Variants in PDZRN3 observed in about 807,000 individuals in gnomAD.
PDZRN3 encodes PDZ domain containing ring finger 3, also known as E3 ubiquitin-protein ligase PDZRN3.
A neutral mutation model predicts 85.7 loss-of-function variants in PDZRN3; 38 were observed. The ratio of observed to expected loss-of-function variants is 0.44; its 90% CI spans 0.34 to 0.58. The LOEUF (loss-of-function observed/expected upper bound fraction) is 0.58. Ranked by LOEUF, PDZRN3 falls within the 20% of genes least tolerant of loss-of-function variation. The pLI, the probability that PDZRN3 is intolerant of heterozygous loss-of-function variation, is 0.01. For missense variants in PDZRN3, 1,629 were observed against 1,506.4 expected (o/e 1.08, Z -1.35); for synonymous variants, 759 against 638.0 (o/e 1.19, Z -2.86).
chr3:73,400,902 G>C lies in PDZRN3; in HGVS notation c.1254+20C>G, dbSNP rs565722346. 6.5e-7 allele frequency: 1 copy of C among 1,540,336 alleles called. No homozygotes were observed. The highest frequency in any genetic ancestry group is 1.4e-5 in the African/African-American group (1 of 73,576). On this transcript the variant is annotated intron_variant, in intron 5 of 9. Transcript: ENST00000263666. ...TTCTTAATAATGACTCCTAAAATGA[G>C]ACAAGGATGTTCTTCATACCTCCAG...
At chr3:73,520,408 G>C (rs145761516) in intron 3 of PDZRN3, among the ~76,000 whole-genome samples, 2 of 152,238 alleles carry the variant, frequency 1.3e-5, no homozygotes, top group Non-Finnish European at 2.9e-5. Flanking sequence ...GGAGGCTGAG[G>C]CAGGAGGAAC....
chr3:73,454,318 G>A (rs1702935285), intron 3 of PDZRN3, among the ~76,000 whole-genome samples: 1 of 152,106 alleles, frequency 6.6e-6, no homozygotes, highest in African/African-American at 2.4e-5. Context: ...GGGAGAGGAA[G>A]GGGCCTAGCA....
intron 1 of PDZRN3, among the ~76,000 whole-genome samples, chr3:73,618,188 T>C (rs749138881): frequency 6.6e-6 from 1 of 152,226 alleles, no homozygotes; most frequent in Non-Finnish European, 1.5e-5. Flanking sequence ...CTTCTGTTTT[T>C]TCATCTGTAA....
intron 3 of PDZRN3, among the ~76,000 whole-genome samples, chr3:73,526,679 G>C (rs567141989): frequency 1.1e-4 from 16 of 152,016 alleles, no homozygotes; most frequent in Non-Finnish European, 8.8e-5. Context: ...AGTTGTTGTT[G>C]TTGTTGCTGT....
At chr3:73,525,720 C>A (rs914811006) in intron 3 of PDZRN3, among the ~76,000 whole-genome samples, 5 of 152,186 alleles carry the variant, frequency 3.3e-5, no homozygotes, top group African/African-American at 1.2e-4. Flanking sequence ...TGGTGGTCCC[C>A]CTGCCAAGGC....
At position 73,384,625 on chromosome 3, in the gene PDZRN3, G is replaced by T. The variant is rs558539857; in HGVS notation, c.1941C>A (p.Arg647=). 2.5e-6 allele frequency: 4 copies of T among 1,613,706 alleles called. No homozygotes were observed. The highest frequency in any genetic ancestry group is 3.4e-6 in the Non-Finnish European group (4 of 1,180,030). ...CCTGGCACTTGAGCTCCAGGAGCTC[G>T]CGGAAGCGCTCGCACTCGTCCACCG... ...GIPVDECERF[R]ELLELKCQVK... The change falls in exon 10 of 10, where the codon CGC becomes CGA. Residue 647 remains arginine, a synonymous_variant. Coordinates refer to ENST00000263666, the MANE Select transcript of PDZRN3 (RefSeq NM_015009.3).
At chr3:73,457,672 C>T (rs998034005) in intron 3 of PDZRN3, among the ~76,000 whole-genome samples, 2 of 152,024 alleles carry the variant, frequency 1.3e-5, no homozygotes, top group Admixed American at 6.6e-5. Context: ...CTCCAAAATT[C>T]GTATTTTGAA....
At chr3:73,458,340 G>T (rs1467146353) in intron 3 of PDZRN3, among the ~76,000 whole-genome samples, 1 of 151,822 alleles carries the variant, frequency 6.6e-6, no homozygotes. Flanking sequence ...CTCTTTCAGA[G>T]ACTGGCCACC....
At chr3:73,439,014 C>A (rs1229658045) in intron 3 of PDZRN3, among the ~76,000 whole-genome samples, 1 of 152,190 alleles carries the variant, frequency 6.6e-6, no homozygotes, top group African/African-American at 2.4e-5. Context: ...TAAGTCTCAC[C>A]TCCTCTGTCC....
At chr3:73,462,775 T>C (rs1055112166) in intron 3 of PDZRN3, among the ~76,000 whole-genome samples, 1 of 152,158 alleles carries the variant, frequency 6.6e-6, no homozygotes, top group Non-Finnish European at 1.5e-5. Context: ...CACCACCAGA[T>C]ACAGGGACCA....
chr3:73,468,884 C>T (rs1233416771), intron 3 of PDZRN3, among the ~76,000 whole-genome samples: 1 of 152,126 alleles, frequency 6.6e-6, no homozygotes, highest in Non-Finnish European at 1.5e-5. Context: ...GAAATGGGAT[C>T]ATTAGTACCT....
Position 73,446,053 on chromosome 3 carries a change from A to T in PDZRN3, c.919-41658T>A, listed in dbSNP as rs146587947. Reference sequence around the variant, plus strand: ...GTGATTCGTCCCTGGGGGTAAGCACAAGTGTGCTGGGTGATATCAACTAGA... The same window carrying T: ...GTGATTCGTCCCTGGGGGTAAGCACTAGTGTGCTGGGTGATATCAACTAGA... On this transcript the variant is annotated intron_variant, in intron 3 of 9. Transcript: ENST00000263666. Among the ~76,000 whole-genome samples the T allele has an allele frequency of 9.3e-4, 142 of 152,344 alleles. 3 individuals are homozygous for T. In the East Asian group the frequency reaches 0.022, roughly 24 times the overall value.
intron 7 of PDZRN3, 145 bp from the exon 8 acceptor site, chr3:73,388,214 T>C (rs769265830): frequency 2.8e-5 from 15 of 542,754 alleles, no homozygotes; most frequent in Non-Finnish European, 3.9e-5. Flanking sequence ...TGGAAAAGAA[T>C]ACTGATGTTA....
chr3:73,559,135 T>C (rs545669600), intron 3 of PDZRN3, among the ~76,000 whole-genome samples: 2 of 152,308 alleles, frequency 1.3e-5, no homozygotes, highest in South Asian at 4.1e-4. Flanking sequence ...TGGCGGGGGT[T>C]GTCACAACCT....
chr3:73,607,271 C>T (rs538231491), intron 2 of PDZRN3, among the ~76,000 whole-genome samples: 16 of 152,274 alleles, frequency 1.1e-4, no homozygotes, highest in East Asian at 5.8e-4. Flanking sequence ...CCCTTTTGTA[C>T]GTAACTTTTT....
chr3:73,389,097 G>T (rs563702053), intron 7 of PDZRN3, among the ~76,000 whole-genome samples: 12 of 152,052 alleles, frequency 7.9e-5, no homozygotes, highest in Non-Finnish European at 1.8e-4. Flanking sequence ...AAATCAAAAT[G>T]ACCTGTGGTG....
chr3:73,579,600 T>C (rs1454282367), intron 3 of PDZRN3, among the ~76,000 whole-genome samples: 1 of 152,224 alleles, frequency 6.6e-6, no homozygotes, highest in Non-Finnish European at 1.5e-5. Flanking sequence ...TATTGAGAAT[T>C]AGCCCACATT....
chr3:73,384,566 G>C lies in PDZRN3; in HGVS notation c.2000C>G (p.Pro667Arg), dbSNP rs763224388. The C allele has an allele frequency of 6.2e-7, 1 of 1,613,684 alleles. No homozygotes were observed. The highest frequency in any genetic ancestry group is 8.5e-7 in the Non-Finnish European group (1 of 1,180,030). The part of the protein sequence containing the change: ...KSATPYGLYY[P>R]SGPLDAGKSD... ...CTTGCCGGCGTCCAGGGGGCCGCTA[G>C]GGTAGTACAGGCCGTAAGGGGTGGC... Residue 667 changes from proline to arginine, a missense_variant, in exon 10 of 10, where the codon CCT becomes CGT. Coordinates refer to ENST00000263666, the MANE Select transcript of PDZRN3 (RefSeq NM_015009.3).
Position 73,497,562 on chromosome 3 carries a change from G to A in PDZRN3, c.919-93167C>T, listed in dbSNP as rs113955023. On this transcript the variant is annotated intron_variant, in intron 3 of 9. Transcript: ENST00000263666. The stretch of plus-strand genomic sequence containing the variant: ...GGCTCAAGAATTAAAGGTGATTATT[G>A]CCATTGTAAAATTTTTTTTATTCTG... Among the ~76,000 whole-genome samples, 919 of 152,304 alleles carry A rather than the reference G, an allele frequency of 6.0e-3. 10 individuals carry two copies. Among genetic ancestry groups the A allele is most frequent in the African/African-American group, 0.021 (867 of 41,568 alleles).
Sources: gnomAD v4.1 joint callset for allele counts (sites outside exome capture counted in the v4.1 genomes callset) on GRCh38, gnomAD v4.1.1 for gene constraint, MANE v1.5 for transcripts, NCBI Gene and HGNC (gene_info 2026-07-23, HGNC 2026-07-21) for gene names.